HERC5: variants seen among roughly 807,000 people sequenced by gnomAD.
HERC5 encodes E3 ISG15--protein ligase HERC5.
A neutral mutation model predicts 119.6 loss-of-function variants in HERC5; 99 were observed. The observed-to-expected ratio is 0.83, with a 90% CI of 0.70 to 0.98. The LOEUF is 0.98. HERC5 is among the 50% of genes least tolerant of loss of function. The probability of loss-of-function intolerance (pLI) is 0.00; values close to 1 mark genes in which losing one functional copy is unlikely to be tolerated. For missense variants in HERC5, 1,267 were observed against 1,241.3 expected (o/e 1.02, Z -0.31); for synonymous variants, 478 against 445.9 (o/e 1.07, Z -0.91).
At chr4:88,471,877 T>C (rs569470768) in intron 10 of HERC5, among the ~76,000 whole-genome samples, 88 of 151,902 alleles carry the variant, frequency 5.8e-4, no homozygotes, top group African/African-American at 1.8e-3. Flanking sequence ...GTCAGTCCTT[T>C]CTTCCTTCCT....
In HERC5 at chr4:88,500,967, C is replaced by G; in HGVS notation, c.2564C>G (p.Thr855Ser). The G allele has an allele frequency of 1.2e-6, 2 of 1,610,954 alleles. No individual in the cohort carries two copies. The highest frequency in any genetic ancestry group is 1.1e-5 in the South Asian group (1 of 90,446). ...TNLIPNGSSI[T>S]VNQTNKRDYV... Reference sequence around the variant, plus strand: ...TTAATTCCTAATGGAAGTAGCATAACTGTCAACCAGACTAACAAGTAGGTA... The same window carrying G: ...TTAATTCCTAATGGAAGTAGCATAAGTGTCAACCAGACTAACAAGTAGGTA... The change falls in exon 20 of 23, where the codon ACT becomes AGT. Residue 855 changes from threonine to serine, a missense_variant. Around this residue, in one of 3 missense-constraint regions of HERC5, gnomAD observed 473 missense variants for 445.7 expected, o/e 1.06. Coordinates refer to ENST00000264350, the MANE Select transcript of HERC5 (RefSeq NM_016323.4).
Position 88,505,879 on chromosome 4 carries a change from C to T in HERC5, c.*1C>T. 6.2e-7 allele frequency: 1 copy of T among 1,602,428 alleles called. No homozygotes were observed. The highest frequency in any genetic ancestry group is 8.5e-7 in the Non-Finnish European group (1 of 1,174,024). On this transcript the variant is annotated 3_prime_UTR_variant, in exon 23 of 23. Transcript: ENST00000264350. Reference sequence around the variant, plus strand: ...CAACAACAACAGAGGATTTGGCTGACCAGCTTGCTTGTCCAACAGCCTTAT... The same window carrying T: ...CAACAACAACAGAGGATTTGGCTGATCAGCTTGCTTGTCCAACAGCCTTAT...
chr4:88,497,054 C>G (rs1033456137), intron 18 of HERC5, among the ~76,000 whole-genome samples: 1 of 152,156 alleles, frequency 6.6e-6, no homozygotes, highest in African/African-American at 2.4e-5. Flanking sequence ...TCTGCTGGCA[C>G]TTTGATCTTG....
intron 18 of HERC5, among the ~76,000 whole-genome samples, chr4:88,499,625 GAACGTTAGAA>G (rs1163003757): frequency 6.6e-6 from 1 of 152,214 alleles, no homozygotes; most frequent in Non-Finnish European, 1.5e-5. Flanking sequence ...CACTATCAGT[GAACGTTAGAA>G]TCCTTTTCTA....
At chr4:88,477,535 G>A (rs1164894196) in intron 12 of HERC5, among the ~76,000 whole-genome samples, 1 of 94,450 alleles carries the variant, frequency 1.1e-5, no homozygotes, top group Non-Finnish European at 2.1e-5. Context: ...GAGGGGGAGG[G>A]GAAGGGGAAG....
Position 88,489,229 on chromosome 4 carries a change from G to T in HERC5, c.2026G>T (p.Ala676Ser), listed in dbSNP as rs376568622. 3.8e-5 allele frequency: 62 copies of T among 1,613,704 alleles called. No homozygotes were observed. In the South Asian group the frequency reaches 5.9e-4, roughly 15 times the overall value. Residue 676 changes from alanine to serine, a missense_variant, in exon 16 of 23, where the codon GCT (alanine) becomes TCT (serine). Physicochemically the swap from Ala to Ser is moderately conservative, Grantham distance 99. Coordinates refer to ENST00000264350, the MANE Select transcript of HERC5 (RefSeq NM_016323.4). Reference sequence around the variant, plus strand: ...TGAGGAAGAAAGAGAGTCTGAATTCGCTTTGAGGCCCACGTTTGATCTAAC... The same window carrying T: ...TGAGGAAGAAAGAGAGTCTGAATTCTCTTTGAGGCCCACGTTTGATCTAAC... ...AIEEERESEFALRPTFDLTVR... is the reference protein window; with the variant it reads ...AIEEERESEFSLRPTFDLTVR...
In HERC5 at chr4:88,457,200, G is replaced by C; in HGVS notation, c.-70G>C. ...TCTGCAGCGCAACGCCTGAGGCAGT[G>C]GGCGCGCTCAGTCCCGGGACCAGGC... is the stretch of plus-strand genomic sequence containing the variant. On this transcript the variant is annotated 5_prime_UTR_variant, in exon 1 of 23. Coordinates refer to ENST00000264350, the MANE Select transcript of HERC5 (RefSeq NM_016323.4). 1 of 1,243,894 alleles carries C rather than the reference G, an allele frequency of 8.0e-7. No homozygotes were observed. The highest frequency in any genetic ancestry group is 3.1e-4 in the Middle Eastern group (1 of 3,236). The allele number at this position is 1,243,894 out of a possible 1,614,324, so 77.1% of individuals were successfully genotyped here.
intron 18 of HERC5, among the ~76,000 whole-genome samples, chr4:88,497,473 A>C (rs939605011): frequency 6.6e-6 from 1 of 152,196 alleles, no homozygotes; most frequent in Non-Finnish European, 1.5e-5. Flanking sequence ...AGTGGCAGAG[A>C]ATGTGGCTGA....
Position 88,476,117 on chromosome 4 carries a change from G to T in HERC5, c.1582+87G>T. 3.9e-6 allele frequency: 4 copies of T among 1,037,818 alleles called. No individual in the cohort carries two copies. The East Asian group carries it at 7.3e-5, about 19-fold the overall frequency. The allele number at this position is 1,037,818 out of a possible 1,614,324, so 64.3% of individuals were successfully genotyped here. On this transcript the variant is annotated intron_variant, in intron 12 of 22. Transcript: ENST00000264350. Reference sequence around the variant, plus strand: ...AGTTATGGCAAAACTAAGATACTTAGAAATGTATTCATTTTTTTTTAGTTC... The same window carrying T: ...AGTTATGGCAAAACTAAGATACTTATAAATGTATTCATTTTTTTTTAGTTC...
Position 88,505,873 on chromosome 4 carries a change from G to A in HERC5, c.3070G>A (p.Gly1024Ser). ...AGCCATCAACAACAACAGAGGATTT[G>A]GCTGACCAGCTTGCTTGTCCAACAG... is the stretch of plus-strand genomic sequence containing the variant. Reference protein sequence around the residue: ...QEAINNNRGFG With the variant: ...QEAINNNRGFS Residue 1024 changes from glycine (G) to serine (S), a missense_variant, in exon 23 of 23, where the codon GGC (glycine) becomes AGC (serine). Physicochemically the swap from Gly to Ser is moderately conservative, Grantham distance 56. This residue lies in a region of HERC5 where 473 missense variants were observed against 445.7 expected (regional missense o/e 1.06). Transcript: ENST00000264350. The A allele has an allele frequency of 6.2e-7, 1 of 1,606,534 alleles. No homozygotes were observed. The highest frequency in any genetic ancestry group is 8.5e-7 in the Non-Finnish European group (1 of 1,176,640).
chr4:88,486,036 T>A (rs1000046443), intron 13 of HERC5, 79 bp from the exon 14 acceptor site: 1 of 745,204 alleles, frequency 1.3e-6, no homozygotes, highest in African/African-American at 1.8e-5. Flanking sequence ...TATAATTTAA[T>A]CTGATAATCT....
intron 11 of HERC5, 38 bp from the exon 12 acceptor site, chr4:88,475,803 G>A: frequency 1.3e-6 from 2 of 1,581,556 alleles, no homozygotes; most frequent in East Asian, 4.5e-5. Context: ...CTTCTACTGA[G>A]TTTTGAATCC....
chr4:88,463,057 A>G (rs552890088), intron 4 of HERC5, among the ~76,000 whole-genome samples: 4 of 152,322 alleles, frequency 2.6e-5, no homozygotes, highest in African/African-American at 9.6e-5. Context: ...TGTTAGAAAA[A>G]TATTCAAAGG....
chr4:88,461,469 G>A (rs1013880804), intron 3 of HERC5, among the ~76,000 whole-genome samples: 1 of 152,184 alleles, frequency 6.6e-6, no homozygotes, highest in East Asian at 1.9e-4. Context: ...CATGAAAATT[G>A]TGTGTGAAGG....
At chr4:88,466,873 G>C (rs964006639) in intron 6 of HERC5, among the ~76,000 whole-genome samples, 186 bp from the exon 7 acceptor site, 3 of 152,186 alleles carry the variant, frequency 2.0e-5, no homozygotes, top group African/African-American at 7.2e-5. Flanking sequence ...GTCTTGAGTG[G>C]CCTTTGGGTT....
intron 6 of HERC5, among the ~76,000 whole-genome samples, chr4:88,466,057 A>C (rs1487415089): frequency 1.3e-5 from 2 of 151,296 alleles, no homozygotes; most frequent in East Asian, 3.9e-4. Context: ...ACCCAAGTCA[A>C]GACCAAGTCA....
At chr4:88,486,444 A>C (rs889454406) in intron 14 of HERC5, among the ~76,000 whole-genome samples, 5 of 152,156 alleles carry the variant, frequency 3.3e-5, no homozygotes, top group African/African-American at 4.8e-5. Flanking sequence ...ACAAAAAGGA[A>C]AGGGTAGAAA....
rs570915705 is a variant in HERC5, at chr4:88,492,741, A to G, written c.2134-271A>G. Among the ~76,000 whole-genome samples the G allele has an allele frequency of 5.3e-5, 8 of 152,222 alleles. No individual in the cohort carries two copies. The South Asian group carries it at 6.2e-4, about 12-fold the overall frequency. ...AGCCTAGACAACAGAGTGAGACTCC[A>G]TCTCAAAAAACAAAACAAAACAAAA... On this transcript the variant is annotated intron_variant, in intron 16 of 22. Coordinates refer to ENST00000264350, the MANE Select transcript of HERC5 (RefSeq NM_016323.4).
chr4:88,504,309 G>A lies in HERC5; in HGVS notation c.2660G>A (p.Gly887Glu). ...VKAVYEEFRR[G>E]FYKMCDEDII... ...GCGGTTTATGAAGAATTTCGGAGAG[G>A]ATTTTATAAAATGTGCGACGAAGAC... The change falls in exon 21 of 23, where the codon GGA becomes GAA. Residue 887 changes from glycine to glutamate, a missense_variant. This residue lies in a region of HERC5 where 473 missense variants were observed against 445.7 expected (regional missense o/e 1.06). Transcript: ENST00000264350. The A allele has an allele frequency of 6.2e-7, 1 of 1,612,906 alleles. No individual in the cohort carries two copies. Among genetic ancestry groups the A allele is most frequent in the Non-Finnish European group, 8.5e-7 (1 of 1,179,030 alleles).
Sources: gnomAD v4.1 joint callset for allele counts (sites outside exome capture counted in the v4.1 genomes callset) on GRCh38, gnomAD v4.1.1 for gene constraint, gnomAD v4.1.1 regional missense constraint, MANE v1.5 for transcripts, NCBI Gene and HGNC (gene_info 2026-07-23, HGNC 2026-07-21) for gene names.